The following DRC3 variants were observed in gnomAD, a reference collection of about 807,000 sequenced individuals.
DRC3 encodes leucine rich repeat containing 48.
A neutral mutation model predicts 57.6 loss-of-function variants in DRC3; 45 were observed. The observed-to-expected ratio is 0.78, with a 90% CI of 0.62 to 1.00. The LOEUF (loss-of-function observed/expected upper bound fraction) is 1.00. Ranked by LOEUF, DRC3 falls within the 50% of genes least tolerant of loss-of-function variation. DRC3 has a pLI of 0.00. For missense variants in DRC3, 655 were observed against 675.2 expected (o/e 0.97, Z 0.33); for synonymous variants, 257 against 272.3 (o/e 0.94, Z 0.55).
At chr17:17,998,403 C>A (rs2145367414) in intron 9 of DRC3, among the ~76,000 whole-genome samples, 1 of 152,324 alleles carries the variant, frequency 6.6e-6, no homozygotes, top group East Asian at 1.9e-4. Context: ...TGGCAACTGC[C>A]TCTTTGAGTT....
At position 18,016,592 on chromosome 17, in the gene DRC3, G is replaced by A. The variant is rs756240634; in HGVS notation, c.1493G>A (p.Arg498His). 20 of 1,613,746 alleles carry A rather than the reference G, an allele frequency of 1.2e-5. No individual in the cohort carries two copies. The highest frequency in any genetic ancestry group is 8.9e-5 in the East Asian group (4 of 44,888). ...HKDEIMRNRK[R>H]VKEINQYIDH... ...GATGAGATCATGAGGAACCGCAAGC[G>A]CGTGAAGGAGATCAATCAGTACATC... Residue 498 changes from arginine to histidine, a missense_variant, in exon 14 of 14, where the codon CGC becomes CAC. Physicochemically the swap from Arg to His is conservative, Grantham distance 29 (BLOSUM62 0). Coordinates refer to ENST00000399187, the MANE Select transcript of DRC3 (RefSeq NM_031294.4).
intron 3 of DRC3, among the ~76,000 whole-genome samples, chr17:17,980,981 C>CA (rs1300236385): frequency 6.6e-6 from 1 of 152,148 alleles, no homozygotes; most frequent in African/African-American, 2.4e-5. Context: ...TTGAAGACTG[C>CA]AAAAAATAAA....
At chr17:17,973,560 C>T (rs1259656565) in intron 1 of DRC3, 1 of 152,144 alleles carries the variant, frequency 6.6e-6, no homozygotes, top group Non-Finnish European at 1.5e-5. Context: ...GTGCACTGAG[C>T]ACACAGTAAG....
chr17:17,987,214 CAAAAAAA>C (rs1046062123), intron 4 of DRC3, among the ~76,000 whole-genome samples: 3 of 45,202 alleles, frequency 6.6e-5, no homozygotes, highest in East Asian at 1.4e-3. Flanking sequence ...GACCCTGTCT[CAAAAAAA>C]AAAAAAAAAA....
At chr17:18,014,833 A>G (rs115763409) in intron 12 of DRC3, among the ~76,000 whole-genome samples, 2,742 of 152,342 alleles carry the variant, frequency 0.018, 89 homozygotes, top group African/African-American at 0.062. Context: ...CCTTTGAACC[A>G]TTCCCAGAGC....
chr17:18,007,640 C>T, intron 12 of DRC3: 1 of 1,397,690 alleles, frequency 7.2e-7, no homozygotes. Flanking sequence ...AGGAACCTGG[C>T]TCCATCCCTG....
intron 6 of DRC3, 99 bp downstream of exon 6, chr17:17,993,010 C>A: frequency 1.5e-6 from 2 of 1,323,318 alleles, no homozygotes; most frequent in Non-Finnish European, 2.1e-6. Context: ...TTCCCCTGCC[C>A]ACAACTAGGA....
At position 17,977,520 on chromosome 17, in the gene DRC3, C is replaced by T. The variant is rs1427835735; in HGVS notation, c.-17-62C>T. 2.0e-5 allele frequency: 32 copies of T among 1,597,516 alleles called. No homozygotes were observed. In the East Asian group the frequency reaches 6.5e-4, roughly 32 times the overall value. On this transcript the variant is annotated intron_variant, in intron 2 of 13. Coordinates refer to ENST00000399187, the MANE Select transcript of DRC3 (RefSeq NM_031294.4). ...AGACACTACAGGGGGAAACCTCAGCCAGACCCTGCCCTCAAACAGAGAAAG... is the reference window on the plus strand; with the variant it reads ...AGACACTACAGGGGGAAACCTCAGCTAGACCCTGCCCTCAAACAGAGAAAG...
chr17:18,011,180 C>A, intron 12 of DRC3: 1 of 222,838 alleles, frequency 4.5e-6, no homozygotes, highest in Non-Finnish European at 9.0e-6. Context: ...TGGTCTCAAA[C>A]TCCTGACCTC....
chr17:17,977,259 G>T (rs1225574533), intron 2 of DRC3: 7 of 276,232 alleles, frequency 2.5e-5, no homozygotes, highest in Non-Finnish European at 4.9e-5. Flanking sequence ...CTGACACAGG[G>T]CCACAGTCAT....
At position 17,974,854 on chromosome 17, in the gene DRC3, G is replaced by A. The variant is rs75207798; in HGVS notation, c.-18+892G>A. On this transcript the variant is annotated intron_variant, in intron 2 of 13. Coordinates refer to ENST00000399187, the MANE Select transcript of DRC3 (RefSeq NM_031294.4). The stretch of plus-strand genomic sequence containing the variant: ...CATGCCTGAAGCTGGGTTAAAGTCC[G>A]TCTGTTTTATTCACAGCATATAGCA... 5.9e-3 allele frequency among the ~76,000 whole-genome samples: 902 copies of A among 152,280 alleles called. 9 individuals carry two copies. Among genetic ancestry groups the A allele is most frequent in the East Asian group, 0.041 (214 of 5,180 alleles).
Position 17,983,757 on chromosome 17 carries a change from T to C in DRC3, c.161-71T>C. 2.7e-6 allele frequency: 3 copies of C among 1,098,102 alleles called. No individual in the cohort carries two copies. The East Asian group carries it at 7.1e-5, about 26-fold the overall frequency. 68.0% of individuals were successfully genotyped at this position (1,098,102 alleles called of 1,614,324 possible). On this transcript the variant is annotated intron_variant, in intron 3 of 13. Coordinates refer to ENST00000399187, the MANE Select transcript of DRC3 (RefSeq NM_031294.4). ...TAGGTCCCTTTTGTGTGGTTCTGCCTCACTCCTCCTGTACACTAGCACAAA... is the reference window on the plus strand; with the variant it reads ...TAGGTCCCTTTTGTGTGGTTCTGCCCCACTCCTCCTGTACACTAGCACAAA...
In DRC3 at chr17:17,994,330, G is replaced by C; in HGVS notation, c.623G>C (p.Ser208Thr). The C allele has an allele frequency of 6.4e-7, 1 of 1,554,020 alleles. No homozygotes were observed. The highest frequency in any genetic ancestry group is 8.7e-7 in the Non-Finnish European group (1 of 1,148,536). Residue 208 changes from serine (S) to threonine (T), a missense_variant, in exon 7 of 14, where the codon AGC becomes ACC. Ser to Thr is a moderately conservative substitution (Grantham distance 58). Coordinates refer to ENST00000399187, the MANE Select transcript of DRC3 (RefSeq NM_031294.4). ...KKLAEAKHQY[S>T]IDELKHQENL... ...CTTGCGGAGGCTAAGCACCAGTACA[G>C]CATCGACGAGCTGAAGCACCAGGAG...
At chr17:18,015,858 A>T (rs1247312342) in intron 12 of DRC3, 2 of 543,864 alleles carry the variant, frequency 3.7e-6, no homozygotes, top group Non-Finnish European at 6.5e-6. Context: ...TTTCCCCACA[A>T]CACCTGCCCT....
chr17:18,006,062 G>A, intron 10 of DRC3, 121 bp from the exon 11 acceptor site: 5 of 711,502 alleles, frequency 7.0e-6, no homozygotes, highest in Non-Finnish European at 1.3e-5. Flanking sequence ...GGTCAAGATG[G>A]GTGGTCTTTA....
chr17:18,016,651 T>C lies in DRC3; in HGVS notation c.1552T>C (p.Cys518Arg), dbSNP rs1223528272. 3 of 1,612,440 alleles carry C rather than the reference T, an allele frequency of 1.9e-6. No homozygotes were observed. The highest frequency in any genetic ancestry group is 1.7e-6 in the Non-Finnish European group (2 of 1,178,540). ...HMQSELDNLECGDILD is the reference protein window; with the variant it reads ...HMQSELDNLERGDILD ...GCAGAGCGAACTGGACAACCTGGAA[T>C]GTGGCGACATCCTAGACTAGATGAA... Residue 518 changes from cysteine (C) to arginine (R), a missense_variant, in exon 14 of 14, where the codon TGT (cysteine) becomes CGT (arginine). Physicochemically the swap from Cys to Arg is radical, Grantham distance 180. Coordinates refer to ENST00000399187, the MANE Select transcript of DRC3 (RefSeq NM_031294.4).
rs200263097 is a variant in DRC3 at position 17,977,591 on chromosome 17, G to C, written c.-8G>C. 7 of 1,613,904 alleles carry C rather than the reference G, an allele frequency of 4.3e-6. No individual in the cohort carries two copies. In the African/African-American group the frequency reaches 8.0e-5, roughly 18 times the overall value. On this transcript the variant is annotated 5_prime_UTR_variant, in exon 3 of 14. Coordinates refer to ENST00000399187, the MANE Select transcript of DRC3 (RefSeq NM_031294.4). The stretch of plus-strand genomic sequence containing the variant: ...ATGCGGTGTTTTTTAGGGAAAACGT[G>C]GGGGAAGATGAACCAGCCGTGCAAC...
intron 5 of DRC3, among the ~76,000 whole-genome samples, chr17:17,989,052 G>A (rs927597684): frequency 6.6e-6 from 1 of 152,206 alleles, no homozygotes; most frequent in South Asian, 2.1e-4. Flanking sequence ...TCAGGCTGGG[G>A]TGTGTTCCTA....
At chr17:18,005,812 T>C (rs1335303490) in intron 10 of DRC3, 2 of 257,240 alleles carry the variant, frequency 7.8e-6, no homozygotes, top group African/African-American at 2.2e-5. Flanking sequence ...TCTTAACAGC[T>C]CACTCCACTG....
Sources: allele counts gnomAD v4.1 joint callset (sites outside exome capture counted in the v4.1 genomes callset), GRCh38; gene constraint gnomAD v4.1.1; transcripts MANE v1.5; gene names NCBI Gene and HGNC (gene_info 2026-07-23, HGNC 2026-07-21).